UMODL1: variants seen among roughly 807,000 people sequenced by gnomAD.
The protein encoded by UMODL1 is uromodulin-like 1.
A neutral mutation model predicts 136.3 loss-of-function variants in UMODL1; 128 were observed. That is an observed-to-expected ratio of 0.94 (90% CI 0.81 to 1.09). The LOEUF is 1.09. Ranked by LOEUF, UMODL1 falls within the 50% of genes least tolerant of loss-of-function variation. The probability of loss-of-function intolerance (pLI) is 0.00; values close to 1 mark genes in which losing one functional copy is unlikely to be tolerated. For missense variants in UMODL1, 1,766 were observed against 1,725.6 expected (o/e 1.02, Z -0.41); for synonymous variants, 721 against 720.0 (o/e 1.00, Z -0.02).
chr21:42,106,362 T>C (rs1490375444), intron 9 of UMODL1, among the ~76,000 whole-genome samples: 1 of 152,070 alleles, frequency 6.6e-6, no homozygotes, highest in African/African-American at 2.4e-5. Flanking sequence ...CAAAAAGAGC[T>C]CCTCTGAAGA....
chr21:42,106,767 G>A (rs544168947), intron 9 of UMODL1, among the ~76,000 whole-genome samples: 16 of 152,344 alleles, frequency 1.1e-4, no homozygotes, highest in African/African-American at 3.8e-4. Context: ...GGAACGGGTT[G>A]GAATCCCAGC....
At chr21:42,110,750 G>A (rs527624859) in intron 10 of UMODL1, 130 bp from the exon 11 acceptor site, 25 of 917,034 alleles carry the variant, frequency 2.7e-5, no homozygotes, top group African/African-American at 1.5e-4. Context: ...GCTGGCGCCC[G>A]CCTGCGTCCC....
At chr21:42,132,454 A>G (rs1317525637) in intron 21 of UMODL1, among the ~76,000 whole-genome samples, 1 of 151,370 alleles carries the variant, frequency 6.6e-6, no homozygotes, top group African/African-American at 2.4e-5. Flanking sequence ...ACTATCATCC[A>G]TCTATCCACC....
intron 1 of UMODL1, among the ~76,000 whole-genome samples, chr21:42,075,797 T>A (rs537906458): frequency 6.6e-6 from 1 of 152,380 alleles, no homozygotes; most frequent in Admixed American, 6.5e-5. Flanking sequence ...TTATGCTTTA[T>A]TCTTCTGTGC....
Position 42,098,959 on chromosome 21 carries a change from A to G in UMODL1, c.965A>G (p.Asn322Ser), listed in dbSNP as rs374178418. 1.7e-5 allele frequency: 28 copies of G among 1,614,086 alleles called. No homozygotes were observed. Among genetic ancestry groups the G allele is most frequent in the African/African-American group, 5.3e-5 (4 of 74,928 alleles). Residue 322 changes from asparagine to serine, a missense_variant, in exon 7 of 23, where the codon AAC (asparagine) becomes AGC (serine). Coordinates refer to ENST00000408910, the MANE Select transcript of UMODL1 (RefSeq NM_001004416.3). ...CPPVSDYVVL[N>S]VTSDSFQVSW... is the part of the protein sequence containing the mutation. ...CCAGTCAGTGACTACGTGGTCCTCAACGTCACCAGTGACAGTTTTCAAGTA... is the reference window on the plus strand; with the variant it reads ...CCAGTCAGTGACTACGTGGTCCTCAGCGTCACCAGTGACAGTTTTCAAGTA...
At position 42,082,662 on chromosome 21, in the gene UMODL1, A is replaced by T. The variant is rs540570233; in HGVS notation, c.320-1422A>T. Among the ~76,000 whole-genome samples, 47 of 152,144 alleles carry T rather than the reference A, an allele frequency of 3.1e-4. No homozygotes were observed. In the South Asian group the frequency reaches 9.3e-3, roughly 30 times the overall value. On this transcript the variant is annotated intron_variant, in intron 2 of 22. Coordinates refer to ENST00000408910, the MANE Select transcript of UMODL1 (RefSeq NM_001004416.3). ...CCCTCAGCCTCGTCCCGGAGCTCCC[A>T]TCTTCTCAGCTTCCTTCCGTCCTGG...
chr21:42,128,426 G>A (rs1461573416), intron 20 of UMODL1, among the ~76,000 whole-genome samples: 1 of 152,202 alleles, frequency 6.6e-6, no homozygotes, highest in Non-Finnish European at 1.5e-5. Context: ...ACAGCTTAGG[G>A]AGCTCCGCTG....
At chr21:42,074,120 C>A (rs1255216337) in intron 1 of UMODL1, among the ~76,000 whole-genome samples, 1 of 152,228 alleles carries the variant, frequency 6.6e-6, no homozygotes, top group East Asian at 1.9e-4. Context: ...GGTCTGGAGG[C>A]CGGAAGTCTA....
intron 2 of UMODL1, among the ~76,000 whole-genome samples, chr21:42,083,189 C>T (rs1435360216): frequency 6.6e-6 from 1 of 152,224 alleles, no homozygotes; most frequent in Non-Finnish European, 1.5e-5. Context: ...CCATGCGTCT[C>T]CACATGGGCG....
chr21:42,117,062 C>G (rs1172502475), intron 14 of UMODL1, among the ~76,000 whole-genome samples: 1 of 151,592 alleles, frequency 6.6e-6, no homozygotes, highest in Non-Finnish European at 1.5e-5. Context: ...GGTGACAGAG[C>G]AAGACCCCAT....
upstream of UMODL1, among the ~76,000 whole-genome samples, chr21:42,068,807 G>A (rs376930598): frequency 5.3e-5 from 8 of 152,242 alleles, no homozygotes; most frequent in South Asian, 4.2e-4. The surrounding 1 kb of genome is among the most constrained non-coding windows in gnomAD (Gnocchi z 5.5). Flanking sequence ...TGTATGTGTC[G>A]GTGCACATGT....
Position 42,120,995 on chromosome 21 carries a change from G to C in UMODL1, c.2690-92G>C, listed in dbSNP as rs188550752. The C allele has an allele frequency of 5.4e-6, 8 of 1,482,976 alleles. No individual in the cohort carries two copies. In the East Asian group the frequency reaches 1.7e-4, roughly 31 times the overall value. The allele number at this position is 1,482,976 out of a possible 1,614,324, so 91.9% of individuals were successfully genotyped here. On this transcript the variant is annotated intron_variant, in intron 15 of 22. Coordinates refer to ENST00000408910, the MANE Select transcript of UMODL1 (RefSeq NM_001004416.3). ...TGCTGTGGCTGGAGTTTCCAGCTTT[G>C]TCTGTGAGATGCACTCTCCCCCAAC... is the stretch of plus-strand genomic sequence containing the variant.
intron 17 of UMODL1, among the ~76,000 whole-genome samples, chr21:42,125,266 G>A (rs2067036803): frequency 1.3e-5 from 2 of 152,166 alleles, no homozygotes; most frequent in Admixed American, 1.3e-4. Flanking sequence ...AGCCCCAGGG[G>A]CTGAGGGATG....
intron 9 of UMODL1, among the ~76,000 whole-genome samples, chr21:42,107,824 C>T (rs1159184082): frequency 6.6e-6 from 1 of 152,226 alleles, no homozygotes; most frequent in Non-Finnish European, 1.5e-5. Context: ...GTGGGGCCAG[C>T]TCAGGAGGGG....
chr21:42,117,202 T>C (rs1041900860), intron 14 of UMODL1, among the ~76,000 whole-genome samples: 1 of 152,256 alleles, frequency 6.6e-6, no homozygotes. Context: ...TCATACAATA[T>C]GTGACTTTTT....
intron 2 of UMODL1, among the ~76,000 whole-genome samples, chr21:42,080,410 G>A (rs569718460): frequency 7.9e-5 from 12 of 152,252 alleles, no homozygotes; most frequent in Middle Eastern, 3.4e-3. Context: ...TCAGCTACCC[G>A]GGGGTCTGCG....
At chr21:42,121,368 CGTGT>C (rs60666132) in intron 16 of UMODL1, 144 bp downstream of exon 16, 1,006 of 706,772 alleles carry the variant, frequency 1.4e-3, no homozygotes, top group Middle Eastern at 5.1e-3. Flanking sequence ...TGTGGGTGCA[CGTGT>C]GTGTGTGTGT....
rs1455072963 is a variant in UMODL1, at chr21:42,085,984, C to A, written c.603+572C>A. Among the ~76,000 whole-genome samples, 4 of 152,232 alleles carry A rather than the reference C, an allele frequency of 2.6e-5. No homozygotes were observed. The highest frequency in any genetic ancestry group is 9.6e-5 in the African/African-American group (4 of 41,468). ...TCCCCTGGGGATAAAAACAAACACCCTGGCTGACCCTTGCTGATGACACAG... is the reference window on the plus strand; with the variant it reads ...TCCCCTGGGGATAAAAACAAACACCATGGCTGACCCTTGCTGATGACACAG... On this transcript the variant is annotated intron_variant, in intron 4 of 22. Coordinates refer to ENST00000408910, the MANE Select transcript of UMODL1 (RefSeq NM_001004416.3). This position sits in a 1 kb window ranked among gnomAD's most constrained non-coding sequence, Gnocchi z 4.5.
Position 42,085,719 on chromosome 21 carries a change from C to T in UMODL1, c.603+307C>T, listed in dbSNP as rs1400783452. Among the ~76,000 whole-genome samples the T allele has an allele frequency of 6.6e-6, 1 of 152,194 alleles. No individual in the cohort carries two copies. The highest frequency in any genetic ancestry group is 1.5e-5 in the Non-Finnish European group (1 of 68,042). ...CTAAGCTTGCAGGGGTCTGCAGTCC[C>T]AGCAAAGACAGCCTAAGCCCCGAGC... On this transcript the variant is annotated intron_variant, in intron 4 of 22. Transcript: ENST00000408910. The surrounding 1 kb of genome is among the most constrained non-coding windows in gnomAD (Gnocchi z 4.5).
Sources: gnomAD v4.1 joint callset for allele counts (sites outside exome capture counted in the v4.1 genomes callset) on GRCh38, gnomAD v4.1.1 for gene constraint, Gnocchi (gnomAD v3.1) non-coding constraint, MANE v1.5 for transcripts, NCBI Gene and HGNC (gene_info 2026-07-23, HGNC 2026-07-21) for gene names.